The following CSF1R variants were observed in gnomAD, a reference collection of about 807,000 sequenced individuals.
The protein encoded by CSF1R is macrophage colony-stimulating factor 1 receptor.
In CSF1R, 40 loss-of-function variants were observed where a neutral mutation model predicts 110.0. The observed-to-expected ratio is 0.36, with a 90% CI of 0.28 to 0.47. CSF1R has a LOEUF of 0.47. CSF1R is among the 20% of genes least tolerant of loss of function. The probability of loss-of-function intolerance (pLI) is 0.99; values close to 1 mark genes in which losing one functional copy is unlikely to be tolerated. For missense variants in CSF1R, 1,052 were observed against 1,253.0 expected (o/e 0.84, Z 2.42); for synonymous variants, 523 against 503.4 (o/e 1.04, Z -0.52).
upstream of CSF1R, among the ~76,000 whole-genome samples, chr5:150,087,409 G>A (rs1011444989): frequency 6.6e-5 from 10 of 152,198 alleles, no homozygotes; most frequent in African/African-American, 1.7e-4. Flanking sequence ...ATGTAGGTAA[G>A]TACTATTGTC....
chr5:150,112,947 G>A (rs1462027808), intron 1 of CSF1R, among the ~76,000 whole-genome samples: 4 of 152,160 alleles, frequency 2.6e-5, no homozygotes, highest in Admixed American at 2.0e-4. Flanking sequence ...AGCAAGGGAG[G>A]GGCTAAGGAC....
In CSF1R at chr5:150,055,247, G is replaced by A. The variant is rs1757151950; in HGVS notation, c.2644C>T (p.Pro882Ser). The change falls in exon 19 of 21, where the codon CCA becomes TCA. Residue 882 changes from proline (P) to serine (S), a missense_variant. Around this residue, in one of 5 missense-constraint regions of CSF1R, gnomAD observed 74 missense variants for 187.4 expected, o/e 0.39. Transcript: ENST00000675795. ...GATCCCTTCGCTTACATATTCTTTG[G>A]GGCAAATGCAGGCTGGGCCATTTGG... is the stretch of plus-strand genomic sequence containing the variant. ...GYQMAQPAFA[P>S]KNIYSIMQAC... 1 of 1,613,930 alleles carries A rather than the reference G, an allele frequency of 6.2e-7. No individual in the cohort carries two copies.
At chr5:150,069,247 G>A (rs181470418) in intron 9 of CSF1R, among the ~76,000 whole-genome samples, 353 of 152,300 alleles carry the variant, frequency 2.3e-3, no homozygotes, top group Non-Finnish European at 2.0e-3. Flanking sequence ...CCAGAGCCTG[G>A]TTGTCAAAAG....
At position 150,055,219 on chromosome 5, in the gene CSF1R, T is replaced by C. The variant is rs943395687; in HGVS notation, c.2654+18A>G. On this transcript the variant is annotated intron_variant, in intron 19 of 20. Coordinates refer to ENST00000675795, the MANE Select transcript of CSF1R (RefSeq NM_001288705.3). ...AGCCTGGGGTGTCCTTTTCCCTCCC[T>C]GGGATCCCTTCGCTTACATATTCTT... 5 of 1,609,704 alleles carry C rather than the reference T, an allele frequency of 3.1e-6. No individual in the cohort carries two copies. The African/African-American group carries it at 5.3e-5, about 17-fold the overall frequency.
chr5:150,086,568 C>A (rs527795709), upstream of CSF1R: 1 of 739,860 alleles, frequency 1.4e-6, no homozygotes, highest in South Asian at 1.7e-5. Flanking sequence ...TTGTTTTCCT[C>A]TTCCTCCTCC....
At chr5:150,100,142 C>T (rs1435158945) in intron 1 of CSF1R, among the ~76,000 whole-genome samples, 1 of 151,676 alleles carries the variant, frequency 6.6e-6, no homozygotes, top group African/African-American at 2.4e-5. Flanking sequence ...CCCAGAAGTT[C>T]GAGTCCAGCC....
In CSF1R at chr5:150,057,350, G is replaced by C. The variant is rs1757269997; in HGVS notation, c.2256C>G (p.Leu752=). The part of the protein sequence containing the change: ...LDKEDGRPLE[L]RDLLHFSSQV... ...GGCTGGAGAAGTGAAGCAGGTCCCGGAGCTCCAGGGGCCGTCCATCCTCCT... is the reference window on the plus strand; with the variant it reads ...GGCTGGAGAAGTGAAGCAGGTCCCGCAGCTCCAGGGGCCGTCCATCCTCCT... The change falls in exon 16 of 21, where the codon CTC becomes CTG. Residue 752 remains leucine, a synonymous_variant. Coordinates refer to ENST00000675795, the MANE Select transcript of CSF1R (RefSeq NM_001288705.3). 1 of 1,613,964 alleles carries C rather than the reference G, an allele frequency of 6.2e-7. No individual in the cohort carries two copies. Among genetic ancestry groups the C allele is most frequent in the African/African-American group, 1.3e-5 (1 of 74,912 alleles).
chr5:150,089,254 A>T (rs911845001), upstream of CSF1R, among the ~76,000 whole-genome samples: 5 of 152,238 alleles, frequency 3.3e-5, no homozygotes, highest in African/African-American at 1.2e-4. Context: ...AAGGCATCCA[A>T]ATTAAAAAAG....
intron 6 of CSF1R, among the ~76,000 whole-genome samples, chr5:150,071,382 CAAAA>C (rs761961978): frequency 6.6e-6 from 1 of 152,062 alleles, no homozygotes; most frequent in Non-Finnish European, 1.5e-5. Flanking sequence ...AGTTCACTGT[CAAAA>C]TAAATAAAAT....
intron 1 of CSF1R, among the ~76,000 whole-genome samples, chr5:150,100,695 A>G (rs1005609844): frequency 1.2e-4 from 18 of 152,154 alleles, no homozygotes; most frequent in Non-Finnish European, 1.6e-4. Flanking sequence ...CGAAAATGCA[A>G]TATCTTACCA....
At chr5:150,108,760 G>C (rs1380375395) in intron 1 of CSF1R, among the ~76,000 whole-genome samples, 1 of 152,130 alleles carries the variant, frequency 6.6e-6, no homozygotes, top group Non-Finnish European at 1.5e-5. Context: ...AGGGGAGCTG[G>C]GCAAGGGCAG....
intron 1 of CSF1R, among the ~76,000 whole-genome samples, chr5:150,103,694 G>A (rs1040298645): frequency 1.3e-5 from 2 of 152,194 alleles, no homozygotes; most frequent in Non-Finnish European, 2.9e-5. Flanking sequence ...TGAAGGAGGA[G>A]CAGCAACCCT....
chr5:150,064,871 A>T (rs777213117), intron 10 of CSF1R, among the ~76,000 whole-genome samples: 1 of 152,154 alleles, frequency 6.6e-6, no homozygotes, highest in Non-Finnish European at 1.5e-5. Context: ...CCTGCTGGGC[A>T]TGTAAACCTC....
rs3829986 is a variant in CSF1R at position 150,077,330 on chromosome 5, C to G, written c.835G>C (p.Val279Leu). 6.2e-7 allele frequency: 1 copy of G among 1,614,174 alleles called. No individual in the cohort carries two copies. Among genetic ancestry groups the G allele is most frequent in the East Asian group, 2.2e-5 (1 of 44,884 alleles). ...TGCTTGCCCTGCACGTTGCTGGCCA[C>G]GCAGGAGTAGTTGCCGGCATGTTGG... ...DFQHAGNYSC[V>L]ASNVQGKHST... The change falls in exon 5 of 21, where the codon GTG becomes CTG. Residue 279 changes from valine to leucine, a missense_variant. This residue lies in a region of CSF1R where 693 missense variants were observed against 735.4 expected (regional missense o/e 0.94). Coordinates refer to ENST00000675795, the MANE Select transcript of CSF1R (RefSeq NM_001288705.3).
intron 1 of CSF1R, among the ~76,000 whole-genome samples, chr5:150,096,152 G>A (rs1465340309): frequency 6.6e-6 from 1 of 152,196 alleles, no homozygotes; most frequent in East Asian, 1.9e-4. Flanking sequence ...CACTTTGGGA[G>A]ACCGAGGCGG....
chr5:150,065,911 C>T (rs1038690087), intron 10 of CSF1R, among the ~76,000 whole-genome samples: 2 of 152,238 alleles, frequency 1.3e-5, no homozygotes, highest in Non-Finnish European at 2.9e-5. Flanking sequence ...GCAGGGGGCC[C>T]TAGGCTCTTC....
In CSF1R at chr5:150,073,426, G is replaced by C; in HGVS notation, c.957C>G (p.Leu319=). Residue 319 remains leucine, a synonymous_variant, in exon 6 of 21, where the codon CTC becomes CTG. Coordinates refer to ENST00000675795, the MANE Select transcript of CSF1R (RefSeq NM_001288705.3). Reference sequence around the variant, plus strand: ...AGGCCTCCACCATGACTTTGAGGTTGAGCCCCTCCCCCACGGTCACCTCCT... The same window carrying C: ...AGGCCTCCACCATGACTTTGAGGTTCAGCCCCTCCCCCACGGTCACCTCCT... ...LIQEVTVGEG[L]NLKVMVEAYP... 6.2e-7 allele frequency: 1 copy of C among 1,614,112 alleles called. No individual in the cohort carries two copies. Among genetic ancestry groups the C allele is most frequent in the South Asian group, 1.1e-5 (1 of 91,080 alleles).
At position 150,053,657 on chromosome 5, in the gene CSF1R, T is replaced by TCACTCTCTGCCAGTCTG; in HGVS notation, c.*395_*411dup. 3.4e-6 allele frequency: 1 copy of TCACTCTCTGCCAGTCTG among 292,948 alleles called. No homozygotes were observed. The highest frequency in any genetic ancestry group is 4.7e-5 in the Admixed American group (1 of 21,308). 18.1% of individuals were successfully genotyped at this position (292,948 alleles called of 1,614,324 possible). ...GCTGCTCCTCTCAGAGAGGGAGATC[T>TCACTCTCTGCCAGTCTG]CACTCTCTGCCAGTCTGTCTAGCCC... On this transcript the variant is annotated 3_prime_UTR_variant, in exon 21 of 21. Coordinates refer to ENST00000675795, the MANE Select transcript of CSF1R (RefSeq NM_001288705.3).
intron 1 of CSF1R, among the ~76,000 whole-genome samples, chr5:150,110,912 G>A: frequency 6.9e-6 from 1 of 144,716 alleles, no homozygotes; most frequent in African/African-American, 2.5e-5. Flanking sequence ...GTATCAAGTA[G>A]TTTTTTTTTT....
Sources: allele counts gnomAD v4.1 joint callset (sites outside exome capture counted in the v4.1 genomes callset), GRCh38; gene constraint gnomAD v4.1.1; regional missense constraint gnomAD v4.1.1; transcripts MANE v1.5; gene names NCBI Gene and HGNC (gene_info 2026-07-23, HGNC 2026-07-21).